MALRD1: variants seen among roughly 807,000 people sequenced by gnomAD.
MALRD1 encodes the protein MAM and LDL-receptor class A domain-containing protein 1.
MALRD1 carries 247 observed loss-of-function variants against 242.1 expected under a neutral mutation model. That is an observed-to-expected ratio of 1.02 (90% CI 0.92 to 1.13). The LOEUF (loss-of-function observed/expected upper bound fraction) is 1.13. MALRD1 is among the 50% of genes most tolerant of loss of function. MALRD1 has a pLI of 0.00. For synonymous variants in MALRD1, 995 were observed against 866.6 expected, an observed-to-expected ratio of 1.15 and a Z score of -2.60; for missense variants, 2,989 against 2,533.1, an observed-to-expected ratio of 1.18 and a Z score of -3.86.
At chr10:19,588,522 A>G (rs751929871) in intron 33 of MALRD1, among the ~76,000 whole-genome samples, 2 of 152,330 alleles carry the variant, frequency 1.3e-5, no homozygotes, top group Admixed American at 6.5e-5. Context: ...TAGTGATGCA[A>G]TTACAATTTC....
At chr10:19,278,051 T>G (rs1167406871) in intron 19 of MALRD1, among the ~76,000 whole-genome samples, 1 of 152,210 alleles carries the variant, frequency 6.6e-6, no homozygotes, top group Non-Finnish European at 1.5e-5. Flanking sequence ...TATTTTTGTG[T>G]GTTTATTTCA....
chr10:19,472,052 G>C (rs1307082755), intron 29 of MALRD1, among the ~76,000 whole-genome samples: 1 of 151,872 alleles, frequency 6.6e-6, no homozygotes, highest in African/African-American at 2.4e-5. Context: ...TTTCACATAT[G>C]GCTTTTATTA....
chr10:19,242,684 C>T (rs1016408336), intron 18 of MALRD1, among the ~76,000 whole-genome samples: 2 of 151,990 alleles, frequency 1.3e-5, no homozygotes, highest in African/African-American at 4.8e-5. Flanking sequence ...TATACAGTGA[C>T]ATTCTTTTTT....
chr10:19,398,198 T>A (rs1409722045), intron 28 of MALRD1, among the ~76,000 whole-genome samples: 1 of 152,154 alleles, frequency 6.6e-6, no homozygotes, highest in East Asian at 1.9e-4. Flanking sequence ...TTGCTTTTGT[T>A]GTCTGTGAAT....
chr10:19,651,454 A>T (rs1051810849), intron 36 of MALRD1, among the ~76,000 whole-genome samples: 4 of 152,216 alleles, frequency 2.6e-5, no homozygotes, highest in African/African-American at 9.6e-5. Context: ...CTTATTTTAA[A>T]AGAAGGCCAT....
intron 26 of MALRD1, among the ~76,000 whole-genome samples, chr10:19,377,638 T>TA (rs1845665448): frequency 1.1e-5 from 1 of 89,998 alleles, no homozygotes; most frequent in Non-Finnish European, 2.4e-5. Context: ...CAGTCATAAT[T>TA]ATTTTTTTTT....
In MALRD1 at chr10:19,633,135, G is replaced by A. The variant is rs1356266417; in HGVS notation, c.6137+17212G>A. Reference sequence around the variant, plus strand: ...TAATCACAGCTATTCTGGAGGTTGAGGCTGGAGATCACTTGAATCTGGGAG... The same window carrying A: ...TAATCACAGCTATTCTGGAGGTTGAAGCTGGAGATCACTTGAATCTGGGAG... On this transcript the variant is annotated intron_variant, in intron 36 of 39. Coordinates refer to ENST00000454679, the MANE Select transcript of MALRD1 (RefSeq NM_001142308.3). Among the ~76,000 whole-genome samples the A allele has an allele frequency of 3.3e-5, 5 of 152,146 alleles. No homozygotes were observed. The East Asian group carries it at 5.8e-4, about 18-fold the overall frequency.
At chr10:19,125,378 T>TTCC (rs1837247440) in intron 7 of MALRD1, among the ~76,000 whole-genome samples, 2 of 87,862 alleles carry the variant, frequency 2.3e-5, no homozygotes, top group Admixed American at 1.2e-4. Context: ...TCTTTCTTTC[T>TTCC]TTCCTTCCTT....
intron 28 of MALRD1, among the ~76,000 whole-genome samples, chr10:19,426,181 C>A (rs1479614550): frequency 6.6e-6 from 1 of 152,134 alleles, no homozygotes; most frequent in Non-Finnish European, 1.5e-5. Context: ...CCAATCCTCA[C>A]AATAGCCTGC....
intron 24 of MALRD1, among the ~76,000 whole-genome samples, chr10:19,343,855 A>G (rs191364791): frequency 1.3e-5 from 2 of 152,136 alleles, no homozygotes; most frequent in African/African-American, 4.8e-5. Flanking sequence ...TTTTTATATT[A>G]CCCTTCTTAT....
At chr10:19,050,405 G>A (rs1212418816) in intron 1 of MALRD1, among the ~76,000 whole-genome samples, 3 of 151,150 alleles carry the variant, frequency 2.0e-5, no homozygotes, top group South Asian at 2.1e-4. Context: ...TTTTTATTCA[G>A]ATAAAATATC....
At chr10:19,530,382 T>TA (rs71200983) in intron 31 of MALRD1, among the ~76,000 whole-genome samples, 2 of 16,540 alleles carry the variant, frequency 1.2e-4, no homozygotes, top group South Asian at 2.2e-3. Context: ...TATATAAATA[T>TA]TATATATTTA....
intron 18 of MALRD1, among the ~76,000 whole-genome samples, chr10:19,226,919 A>G (rs978748725): frequency 6.6e-6 from 1 of 152,062 alleles, no homozygotes; most frequent in African/African-American, 2.4e-5. Flanking sequence ...TTAACTTATA[A>G]TAGCCTCAAA....
At chr10:19,729,958 C>T (rs1356277500) in intron 38 of MALRD1, among the ~76,000 whole-genome samples, 7 of 151,658 alleles carry the variant, frequency 4.6e-5, no homozygotes, top group South Asian at 2.1e-4. Context: ...AGGATGGTCT[C>T]GATCTCCTGA....
chr10:19,462,432 C>G (rs1835993777), intron 29 of MALRD1, among the ~76,000 whole-genome samples: 1 of 152,248 alleles, frequency 6.6e-6, no homozygotes, highest in South Asian at 2.1e-4. Flanking sequence ...TTTTGCATCT[C>G]CTTCTGCCTC....
chr10:19,134,784 A>G (rs1337360089), intron 9 of MALRD1, among the ~76,000 whole-genome samples: 1 of 152,212 alleles, frequency 6.6e-6, no homozygotes, highest in Non-Finnish European at 1.5e-5. Flanking sequence ...CAAAGATAAA[A>G]CAAAGTAAAA....
Position 19,595,324 on chromosome 10 carries a change from T to C in MALRD1, c.5811T>C (p.Asp1937=), listed in dbSNP as rs1473202865. The C allele has an allele frequency of 6.4e-7, 1 of 1,550,778 alleles. No individual in the cohort carries two copies. The highest frequency in any genetic ancestry group is 2.0e-5 in the Admixed American group (1 of 50,992). Residue 1937 remains aspartate (D), a synonymous_variant, in exon 34 of 40, where the codon GAT becomes GAC. Coordinates refer to ENST00000454679, the MANE Select transcript of MALRD1 (RefSeq NM_001142308.3). ...EDCIDGSDEM[D]CPLSPTPPLC... is the part of the protein sequence containing the mutation. Reference sequence around the variant, plus strand: ...GCATAGATGGATCTGATGAAATGGATTGTCCTCTCAGCCCCACCCCTCCAC... The same window carrying C: ...GCATAGATGGATCTGATGAAATGGACTGTCCTCTCAGCCCCACCCCTCCAC...
intron 14 of MALRD1, among the ~76,000 whole-genome samples, chr10:19,186,757 G>A (rs1392857982): frequency 6.6e-6 from 1 of 151,994 alleles, no homozygotes; most frequent in Non-Finnish European, 1.5e-5. Context: ...AATTGTGTTA[G>A]AAGTATTACT....
intron 31 of MALRD1, among the ~76,000 whole-genome samples, chr10:19,515,686 A>G (rs1242031466): frequency 2.0e-5 from 3 of 151,890 alleles, no homozygotes; most frequent in African/African-American, 4.8e-5. Context: ...CAGCCTCCCG[A>G]GTAGCTGGGA....
Sources: gnomAD v4.1 joint callset for allele counts (sites outside exome capture counted in the v4.1 genomes callset) on GRCh38, gnomAD v4.1.1 for gene constraint, MANE v1.5 for transcripts, NCBI Gene and HGNC (gene_info 2026-07-23, HGNC 2026-07-21) for gene names.